COL14A1: variants seen among roughly 807,000 people sequenced by gnomAD.
COL14A1 encodes the protein collagen alpha-1(XIV) chain.
A neutral mutation model predicts 230.3 loss-of-function variants in COL14A1; 136 were observed. That is an observed-to-expected ratio of 0.59 (90% CI 0.51 to 0.68). The LOEUF is 0.68. Among genes scored for constraint, COL14A1 ranks in the 30% least tolerant of loss-of-function variants. The pLI, the probability that COL14A1 is intolerant of heterozygous loss-of-function variation, is 0.00. For missense variants in COL14A1, 1,976 were observed against 2,215.8 expected (o/e 0.89, Z 2.17); for synonymous variants, 792 against 784.1 (o/e 1.01, Z -0.17).
chr8:120,164,411 C>T (rs1815795010), intron 4 of COL14A1, among the ~76,000 whole-genome samples: 1 of 152,072 alleles, frequency 6.6e-6, no homozygotes, highest in South Asian at 2.1e-4. Context: ...TACACCCCTT[C>T]CCTCCCTTTT....
chr8:120,307,727 G>A (rs1363581153), intron 36 of COL14A1, among the ~76,000 whole-genome samples: 1 of 152,158 alleles, frequency 6.6e-6, no homozygotes, highest in Non-Finnish European at 1.5e-5. Context: ...TATATTTTCA[G>A]CAATCAGGTT....
chr8:120,327,732 C>A (rs1486594688), intron 40 of COL14A1, among the ~76,000 whole-genome samples: 1 of 151,912 alleles, frequency 6.6e-6, no homozygotes, highest in East Asian at 1.9e-4. Context: ...GAGCAGGAAC[C>A]TCAATCTTAT....
chr8:120,152,469 CAAAAAAAAAA>C (rs397891260), intron 2 of COL14A1, among the ~76,000 whole-genome samples: 2 of 59,598 alleles, frequency 3.4e-5, no homozygotes, highest in Non-Finnish European at 2.9e-5. Context: ...GATTCCATCT[CAAAAAAAAAA>C]AAAAAAAAAA....
In COL14A1 at chr8:120,147,942, CTT is replaced by C; in HGVS notation, c.88+14_88+15del. The stretch of plus-strand genomic sequence containing the variant: ...TGTCCAAGGTCAAGGTAATTGAAAA[CTT>C]TGAGAATCAGTAGGGTCTGGGACTC... On this transcript the variant is annotated intron_variant, in intron 2 of 47. Transcript: ENST00000297848. The C allele has an allele frequency of 6.3e-7, 1 of 1,592,468 alleles. No individual in the cohort carries two copies. The highest frequency in any genetic ancestry group is 8.6e-7 in the Non-Finnish European group (1 of 1,161,054).
intron 19 of COL14A1, among the ~76,000 whole-genome samples, chr8:120,237,000 T>C (rs563402170): frequency 6.6e-6 from 1 of 152,350 alleles, no homozygotes; most frequent in East Asian, 1.9e-4. Flanking sequence ...GTTAGACCGA[T>C]GGGCTTCCCT....
At chr8:120,186,970 G>A (rs1254894690) in intron 5 of COL14A1, among the ~76,000 whole-genome samples, 1 of 152,128 alleles carries the variant, frequency 6.6e-6, no homozygotes, top group Non-Finnish European at 1.5e-5. Flanking sequence ...CAAATCCAGA[G>A]TCAATAAAGA....
rs748971305 is a variant in COL14A1 at position 120,226,749 on chromosome 8, G to A, written c.1987G>A (p.Gly663Arg). The A allele has an allele frequency of 6.2e-7, 1 of 1,613,478 alleles. No homozygotes were observed. The highest frequency in any genetic ancestry group is 1.3e-5 in the African/African-American group (1 of 75,018). ...CAAATTGATGTGGATTCCAGTCTAT[G>A]GGGGGAAGACTGAGGAGGTGAGTTT... ...LHKLMWIPVY[G>R]GKTEEVVLKE... is the part of the protein sequence containing the mutation. The change falls in exon 16 of 48, where the codon GGG becomes AGG. Residue 663 changes from glycine (G) to arginine (R), a missense_variant. Around this residue, in one of 3 missense-constraint regions of COL14A1, gnomAD observed 1,791 missense variants for 2,019.5 expected, o/e 0.89. Coordinates refer to ENST00000297848, the MANE Select transcript of COL14A1 (RefSeq NM_021110.4).
intron 1 of COL14A1, among the ~76,000 whole-genome samples, chr8:120,138,271 T>G (rs1213095180): frequency 1.3e-5 from 2 of 152,196 alleles, no homozygotes; most frequent in Non-Finnish European, 2.9e-5. Flanking sequence ...TTATGTATTT[T>G]GAAACTCCAT....
At chr8:120,147,345 T>A (rs1370075133) in intron 1 of COL14A1, among the ~76,000 whole-genome samples, 6 of 152,144 alleles carry the variant, frequency 3.9e-5, no homozygotes, top group Non-Finnish European at 8.8e-5. Flanking sequence ...AAGTGGTTTT[T>A]CAAATTCTCT....
Position 120,158,213 on chromosome 8 carries a change from G to A in COL14A1, c.172G>A (p.Gly58Ser). 1 of 1,607,796 alleles carries A rather than the reference G, an allele frequency of 6.2e-7. No homozygotes were observed. The highest frequency in any genetic ancestry group is 8.5e-7 in the Non-Finnish European group (1 of 1,175,116). The change falls in exon 3 of 48, where the codon GGT (glycine) becomes AGT (serine). Residue 58 changes from glycine (G) to serine (S), a missense_variant. Physicochemically the swap from Gly to Ser is moderately conservative, Grantham distance 56. Around this residue, in one of 3 missense-constraint regions of COL14A1, gnomAD observed 181 missense variants for 178.6 expected, o/e 1.01. Coordinates refer to ENST00000297848, the MANE Select transcript of COL14A1 (RefSeq NM_021110.4). ...ISWKAPRGKF[G>S]GYKLLVTPTS... is the part of the protein sequence containing the mutation. The stretch of plus-strand genomic sequence containing the variant: ...ATGGAAGGCTCCAAGAGGGAAATTT[G>A]GTGGTTACAAACTTCTTGTGACTCC...
chr8:120,222,269 A>G (rs1817955267), intron 14 of COL14A1, among the ~76,000 whole-genome samples: 1 of 152,240 alleles, frequency 6.6e-6, no homozygotes, highest in South Asian at 2.1e-4. Flanking sequence ...TAAGTGCTAA[A>G]AATGACCTAT....
intron 36 of COL14A1, among the ~76,000 whole-genome samples, chr8:120,301,965 G>A (rs1275017008): frequency 6.6e-6 from 1 of 152,082 alleles, no homozygotes; most frequent in East Asian, 1.9e-4. Flanking sequence ...GTGATACTGA[G>A]CTTTTTTTCA....
intron 24 of COL14A1, among the ~76,000 whole-genome samples, chr8:120,266,041 G>A (rs1040081511): frequency 6.6e-6 from 1 of 151,992 alleles, no homozygotes; most frequent in African/African-American, 2.4e-5. Context: ...CTGGGATAGC[G>A]AGAAGAATTT....
chr8:120,228,568 C>G, intron 17 of COL14A1, 142 bp from the exon 18 acceptor site: 2 of 612,778 alleles, frequency 3.3e-6, no homozygotes, highest in South Asian at 4.5e-5. Flanking sequence ...CAATTCATTT[C>G]TTTCGTCTTC....
At chr8:120,350,166 C>T (rs892455122) in intron 45 of COL14A1, among the ~76,000 whole-genome samples, 35 of 152,252 alleles carry the variant, frequency 2.3e-4, no homozygotes, top group African/African-American at 8.4e-4. Context: ...AAAGAAAATA[C>T]TTTACAGACA....
chr8:120,356,191 A>G (rs1822979300), intron 45 of COL14A1, among the ~76,000 whole-genome samples: 1 of 152,254 alleles, frequency 6.6e-6, no homozygotes, highest in Non-Finnish European at 1.5e-5. Flanking sequence ...AACGGGTGCC[A>G]GCATTTATTA....
chr8:120,263,126 A>G, intron 24 of COL14A1, 112 bp downstream of exon 24: 3 of 1,161,372 alleles, frequency 2.6e-6, no homozygotes, highest in Non-Finnish European at 3.5e-6. Context: ...GTTCAGGAAT[A>G]TACGTAATAC....
intron 45 of COL14A1, among the ~76,000 whole-genome samples, chr8:120,350,465 C>T (rs1822708574): frequency 6.8e-6 from 1 of 147,562 alleles, no homozygotes. Flanking sequence ...AGTCAAGACC[C>T]ATCAGTGTGC....
intron 38 of COL14A1, among the ~76,000 whole-genome samples, chr8:120,314,929 T>C (rs757095702): frequency 3.3e-5 from 5 of 152,236 alleles, no homozygotes; most frequent in Non-Finnish European, 5.9e-5. Flanking sequence ...TAAATAATAC[T>C]GAAATGTTCA....
Sources: gnomAD v4.1 joint callset for allele counts (sites outside exome capture counted in the v4.1 genomes callset) on GRCh38, gnomAD v4.1.1 for gene constraint, gnomAD v4.1.1 regional missense constraint, MANE v1.5 for transcripts, NCBI Gene and HGNC (gene_info 2026-07-23, HGNC 2026-07-21) for gene names.